The following XKR3 variants were observed in gnomAD, a reference collection of about 807,000 sequenced individuals.
The protein encoded by XKR3 is XK related 3.
Under a neutral mutation model 40.3 loss-of-function variants are expected in XKR3, and 27 were observed. That is an observed-to-expected ratio of 0.67 (90% CI 0.49 to 0.92). The LOEUF is 0.92. Among genes scored for constraint, XKR3 ranks in the 40% least tolerant of loss-of-function variants. The probability of loss-of-function intolerance (pLI) is 0.00; values close to 1 mark genes in which losing one functional copy is unlikely to be tolerated. For synonymous variants in XKR3, 193 were observed against 195.4 expected (o/e 0.99, Z 0.10); for missense variants, 472 against 537.6 (o/e 0.88, Z 1.21).
At chr22:16,814,812 G>T (rs943134431) in intron 1 of XKR3, among the ~76,000 whole-genome samples, 1 of 151,822 alleles carries the variant, frequency 6.6e-6, no homozygotes, top group Non-Finnish European at 1.5e-5. Context: ...TACTGATCTT[G>T]TTATCTGCAA....
chr22:16,792,915 T>A (rs995321256), intron 3 of XKR3, among the ~76,000 whole-genome samples: 6 of 152,260 alleles, frequency 3.9e-5, no homozygotes, highest in African/African-American at 1.4e-4. Context: ...ATAATCAACA[T>A]GCGTCTGGTT....
At chr22:16,794,978 A>G (rs1465541663) in intron 3 of XKR3, among the ~76,000 whole-genome samples, 1 of 152,210 alleles carries the variant, frequency 6.6e-6, no homozygotes, top group Non-Finnish European at 1.5e-5. Context: ...ACAAAAATGG[A>G]GCACCGATTT....
chr22:16,802,490 T>C (rs1184612818), intron 2 of XKR3, among the ~76,000 whole-genome samples: 1 of 144,518 alleles, frequency 6.9e-6, no homozygotes, highest in East Asian at 2.1e-4. Flanking sequence ...TCCCAGTCTT[T>C]CTTTTTTTTT....
chr22:16,791,968 G>T (rs2060121747), intron 3 of XKR3, among the ~76,000 whole-genome samples: 1 of 151,630 alleles, frequency 6.6e-6, no homozygotes, highest in African/African-American at 2.4e-5. Context: ...GGGGATGGAG[G>T]TTTGCTCTTG....
At chr22:16,800,128 C>G in intron 2 of XKR3, 104 bp from the exon 3 acceptor site, 1 of 1,309,368 alleles carries the variant, frequency 7.6e-7, no homozygotes, top group South Asian at 1.5e-5. Context: ...TGAAATTATA[C>G]TATCAAATGG....
chr22:16,796,397 CAG>C (rs2060141035), intron 3 of XKR3, among the ~76,000 whole-genome samples: 1 of 152,148 alleles, frequency 6.6e-6, no homozygotes, highest in Non-Finnish European at 1.5e-5. Flanking sequence ...CAAAACCTGG[CAG>C]AGACACAAGA....
At position 16,819,510 on chromosome 22, in the gene XKR3, G is replaced by A. The variant is rs529738478; in HGVS notation, c.-11+5781C>T. On this transcript the variant is annotated intron_variant, in intron 1 of 3. Transcript: ENST00000684488. ...AGCTGGCAAACACAAATCAGTGGAG[G>A]AAAAATAACCTTTTAACAAATTGTG... 1.7e-3 allele frequency among the ~76,000 whole-genome samples: 253 copies of A among 152,178 alleles called. 2 individuals are homozygous for A. Among genetic ancestry groups the A allele is most frequent in the Middle Eastern group, 0.014 (4 of 294 alleles).
chr22:16,821,061 G>A (rs2060253797), intron 1 of XKR3, among the ~76,000 whole-genome samples: 1 of 152,070 alleles, frequency 6.6e-6, no homozygotes, highest in Admixed American at 6.6e-5. Flanking sequence ...ATTATACAAA[G>A]ATGTTAGAGT....
intron 2 of XKR3, 137 bp downstream of exon 2, chr22:16,807,601 GA>G: frequency 1.1e-6 from 1 of 871,664 alleles, no homozygotes; most frequent in Non-Finnish European, 1.7e-6. Flanking sequence ...ACGAAAGTGT[GA>G]AAACTAAATA....
intron 3 of XKR3, among the ~76,000 whole-genome samples, chr22:16,793,588 C>T (rs1224998587): frequency 2.0e-5 from 3 of 152,088 alleles, no homozygotes; most frequent in African/African-American, 7.2e-5. Flanking sequence ...AACAGACCAC[C>T]CAGAGACAAA....
chr22:16,806,924 T>G (rs1268838045), intron 2 of XKR3, among the ~76,000 whole-genome samples: 4 of 152,170 alleles, frequency 2.6e-5, no homozygotes, highest in African/African-American at 4.8e-5. Flanking sequence ...TAAATAAATA[T>G]TAATTCCTAT....
intron 2 of XKR3, among the ~76,000 whole-genome samples, chr22:16,804,448 G>A (rs1337504746): frequency 6.6e-6 from 1 of 152,046 alleles, no homozygotes; most frequent in East Asian, 1.9e-4. Context: ...CTACAAAGCT[G>A]TCCTATGTGG....
At chr22:16,806,294 C>A (rs903568328) in intron 2 of XKR3, among the ~76,000 whole-genome samples, 23 of 52,692 alleles carry the variant, frequency 4.4e-4, no homozygotes, top group Non-Finnish European at 6.3e-4. Flanking sequence ...TTAATCAATA[C>A]TTTCTTATTT....
intron 1 of XKR3, among the ~76,000 whole-genome samples, chr22:16,816,022 T>C (rs766302619): frequency 2.6e-5 from 4 of 151,960 alleles, no homozygotes; most frequent in Non-Finnish European, 5.9e-5. Flanking sequence ...TCTTTTTAAA[T>C]AAATATTTGT....
intron 3 of XKR3, among the ~76,000 whole-genome samples, chr22:16,788,678 A>C (rs1455616578): frequency 6.6e-6 from 1 of 152,174 alleles, no homozygotes. Context: ...CCAGACAAGG[A>C]TACAACAAAG....
chr22:16,797,636 C>CA (rs1212443381), intron 3 of XKR3, among the ~76,000 whole-genome samples: 8 of 151,034 alleles, frequency 5.3e-5, no homozygotes, highest in Admixed American at 3.3e-4. Context: ...ACTAAAAATA[C>CA]AAAAAAATTA....
chr22:16,783,534 T>A lies in XKR3; in HGVS notation c.*85A>T. 9.2e-7 allele frequency: 1 copy of A among 1,083,924 alleles called. No homozygotes were observed. The highest frequency in any genetic ancestry group is 1.3e-6 in the Non-Finnish European group (1 of 791,686). 67.1% of individuals were successfully genotyped at this position (1,083,924 alleles called of 1,614,324 possible). On this transcript the variant is annotated 3_prime_UTR_variant, in exon 4 of 4. Coordinates refer to ENST00000684488, the MANE Select transcript of XKR3 (RefSeq NM_001386955.1). ...AGAAACCACTTCCAAGATTTTGCTG[T>A]GTATATTTTTTAAATTTAAGAGCCT...
intron 1 of XKR3, among the ~76,000 whole-genome samples, chr22:16,816,831 G>A (rs1364929671): frequency 6.6e-6 from 1 of 151,852 alleles, no homozygotes; most frequent in Non-Finnish European, 1.5e-5. Flanking sequence ...TATCTTTCAT[G>A]TATGGTCATC....
chr22:16,818,371 C>T (rs5748663), intron 1 of XKR3, among the ~76,000 whole-genome samples: 3,653 of 152,184 alleles, frequency 0.024, 87 homozygotes, highest in Admixed American at 0.069. Context: ...AAGAGTGATA[C>T]TATGGTAAAG....
Sources: allele counts gnomAD v4.1 joint callset (sites outside exome capture counted in the v4.1 genomes callset), GRCh38; gene constraint gnomAD v4.1.1; transcripts MANE v1.5; gene names NCBI Gene and HGNC (gene_info 2026-07-23, HGNC 2026-07-21).